SYNE2: variants seen among roughly 807,000 people sequenced by gnomAD.
The protein encoded by SYNE2 is nesprin-2.
SYNE2 carries 431 observed loss-of-function variants against 856.3 expected under a neutral mutation model. The observed-to-expected ratio is 0.50, with a 90% CI of 0.47 to 0.55. SYNE2 has a LOEUF of 0.55. Ranked by LOEUF, SYNE2 falls within the 20% of genes least tolerant of loss-of-function variation. The probability of loss-of-function intolerance (pLI) is 0.00; values close to 1 mark genes in which losing one functional copy is unlikely to be tolerated. For missense variants in SYNE2, 8,129 were observed against 8,023.2 expected (o/e 1.01, Z -0.50); for synonymous variants, 2,923 against 2,872.3 (o/e 1.02, Z -0.56).
chr14:64,090,297 G>C (rs2097599236), intron 59 of SYNE2, among the ~76,000 whole-genome samples: 1 of 152,080 alleles, frequency 6.6e-6, no homozygotes, highest in African/African-American at 2.4e-5. Context: ...ACCTCTCGAG[G>C]GGTTGTGAGG....
At chr14:63,901,605 T>G (rs1448816117) in intron 1 of SYNE2, among the ~76,000 whole-genome samples, 1 of 152,202 alleles carries the variant, frequency 6.6e-6, no homozygotes. Flanking sequence ...ACAGGATTAT[T>G]GCATAAGCAA....
At chr14:64,157,402 G>A (rs535093187) in intron 85 of SYNE2, among the ~76,000 whole-genome samples, 14 of 152,282 alleles carry the variant, frequency 9.2e-5, no homozygotes, top group African/African-American at 2.6e-4. Flanking sequence ...GATCATCGGT[G>A]TTGTAGTATT....
intron 52 of SYNE2, among the ~76,000 whole-genome samples, chr14:64,073,134 A>G (rs1353491154): frequency 6.6e-6 from 1 of 152,104 alleles, no homozygotes; most frequent in Non-Finnish European, 1.5e-5. Flanking sequence ...GTAATTGGCC[A>G]TTGGCGATCA....
intron 74 of SYNE2, 72 bp from the exon 75 acceptor site, chr14:64,129,710 C>G: frequency 6.2e-7 from 1 of 1,601,604 alleles, no homozygotes; most frequent in Non-Finnish European, 8.5e-7. Context: ...CTATTTAATT[C>G]TTTTTAGATA....
Position 63,967,855 on chromosome 14 carries a change from T to C in SYNE2, c.1128+9T>C. 1 of 1,613,464 alleles carries C rather than the reference T, an allele frequency of 6.2e-7. No individual in the cohort carries two copies. On this transcript the variant is annotated intron_variant, in intron 11 of 115. Coordinates refer to ENST00000555002, the MANE Select transcript of SYNE2 (RefSeq NM_182914.3). ...ATGGCCTCGATCACCAGGTGACTGT[T>C]TGTGTTGATTAGAAGAATATTTTCA...
chr14:63,911,682 A>G (rs955355504), intron 2 of SYNE2, among the ~76,000 whole-genome samples: 1 of 152,226 alleles, frequency 6.6e-6, no homozygotes, highest in Non-Finnish European at 1.5e-5. Context: ...TTCAAAGAAC[A>G]GTTTGAAAGA....
chr14:64,167,812 T>C (rs908874927), intron 92 of SYNE2, among the ~76,000 whole-genome samples, 173 bp downstream of exon 92: 6 of 152,218 alleles, frequency 3.9e-5, no homozygotes, highest in Non-Finnish European at 7.4e-5. Context: ...GTACGTTTCA[T>C]AAATTTCAAC....
In SYNE2 at chr14:64,020,040, G is replaced by A. The variant is rs372345929; in HGVS notation, c.5098G>A (p.Val1700Met). Residue 1700 changes from valine to methionine, a missense_variant, in exon 35 of 116, where the codon GTG (valine) becomes ATG (methionine). Transcript: ENST00000555002. ...AAAAACTTCAGAATTTTCTAGAAGA[G>A]TGGCTGAAATACAGTTTTTGCTCCA... is the stretch of plus-strand genomic sequence containing the variant. ...EQKTSEFSRR[V>M]AEIQFLLQSS... is the part of the protein sequence containing the mutation. 3.7e-6 allele frequency: 6 copies of A among 1,614,032 alleles called. No individual in the cohort carries two copies. In the African/African-American group the frequency reaches 5.3e-5, roughly 14 times the overall value.
At chr14:64,148,708 A>G (rs1307966824) in intron 84 of SYNE2, among the ~76,000 whole-genome samples, 1 of 152,124 alleles carries the variant, frequency 6.6e-6, no homozygotes, top group Non-Finnish European at 1.5e-5. Flanking sequence ...CCTCTTTGTA[A>G]AAGGCCATAA....
At chr14:63,959,782 C>A (rs1025970409) in intron 8 of SYNE2, among the ~76,000 whole-genome samples, 5 of 151,620 alleles carry the variant, frequency 3.3e-5, no homozygotes, top group African/African-American at 1.2e-4. Context: ...TTCTCATTTC[C>A]TGTTTCTGAT....
Position 64,214,354 on chromosome 14 carries a change from G to A in SYNE2, c.19217G>A (p.Cys6406Tyr), listed in dbSNP as rs763733327. The stretch of plus-strand genomic sequence containing the variant: ...GCCCCAGGGCACGAGCGGTCTGGCT[G>A]CGAGACCCCTGTCAGCGTGGACTCC... ...LVAPGHERSG[C>Y]ETPVSVDSIP... Residue 6406 changes from cysteine (C) to tyrosine (Y), a missense_variant, in exon 106 of 116, where the codon TGC (cysteine) becomes TAC (tyrosine). Physicochemically the swap from Cys to Tyr is radical, Grantham distance 194. Transcript: ENST00000555002. 1.9e-6 allele frequency: 3 copies of A among 1,614,150 alleles called. No homozygotes were observed. The highest frequency in any genetic ancestry group is 2.2e-5 in the South Asian group (2 of 91,078).
intron 13 of SYNE2, 88 bp downstream of exon 13, chr14:63,978,105 T>C (rs1596000380): frequency 2.3e-6 from 2 of 884,050 alleles, no homozygotes; most frequent in Non-Finnish European, 3.8e-6. Context: ...TACAGATTTT[T>C]AGATAATTTT....
intron 99 of SYNE2, among the ~76,000 whole-genome samples, chr14:64,195,345 A>T (rs1352913834): frequency 2.0e-5 from 3 of 152,218 alleles, no homozygotes; most frequent in African/African-American, 4.8e-5. Context: ...CATGTCATGA[A>T]CAAATGTCAT....
In SYNE2 at chr14:63,775,833, G is replaced by A. The variant is rs1398538636; in HGVS notation, c.-305+13847G>A. ...GCTGATCTGCCAGTATTTTAGGGGA[G>A]ATATAGTAATAGCTTTTGTTAATGG... On this transcript the variant is annotated intron_variant, in intron 1 of 23. Coordinates refer to the SYNE2 transcript ENST00000674003. 1.3e-5 allele frequency among the ~76,000 whole-genome samples: 2 copies of A among 152,122 alleles called. 1 individual carries two copies. Among genetic ancestry groups the A allele is most frequent in the Non-Finnish European group, 2.9e-5 (2 of 68,032 alleles).
intron 58 of SYNE2, among the ~76,000 whole-genome samples, chr14:64,088,530 G>C (rs752950373): frequency 7.9e-5 from 12 of 152,198 alleles, no homozygotes; most frequent in Non-Finnish European, 1.3e-4. Flanking sequence ...CAGCATTTAC[G>C]GAGGCAGAGG....
At chr14:63,974,876 G>GTA (rs1230752317) in intron 11 of SYNE2, among the ~76,000 whole-genome samples, 3 of 30,994 alleles carry the variant, frequency 9.7e-5, no homozygotes, top group African/African-American at 2.2e-4. Context: ...GTGTGTGTGT[G>GTA]TGTGTGTGTG....
At chr14:64,069,580 A>G (rs34985793) in intron 51 of SYNE2, among the ~76,000 whole-genome samples, 467 of 152,320 alleles carry the variant, frequency 3.1e-3, no homozygotes, top group Middle Eastern at 6.8e-3. Flanking sequence ...TGATAAATGC[A>G]TCTGAGCAGT....
intron 2 of SYNE2, among the ~76,000 whole-genome samples, chr14:63,935,561 C>G (rs189666195): frequency 1.2e-4 from 18 of 152,218 alleles, no homozygotes; most frequent in Admixed American, 1.0e-3. Context: ...TTTCAATTCA[C>G]TATGACTATT....
At chr14:64,119,181 C>CTA (rs1411745088) in intron 66 of SYNE2, among the ~76,000 whole-genome samples, 4 of 152,262 alleles carry the variant, frequency 2.6e-5, no homozygotes, top group African/African-American at 9.6e-5. Context: ...TGTAAGGCGA[C>CTA]TATAGAGTCA....
Sources: gnomAD v4.1 joint callset for allele counts (sites outside exome capture counted in the v4.1 genomes callset) on GRCh38, gnomAD v4.1.1 for gene constraint, MANE v1.5 for transcripts, NCBI Gene and HGNC (gene_info 2026-07-23, HGNC 2026-07-21) for gene names.